The following POLQ variants were observed in gnomAD, a reference collection of about 807,000 sequenced individuals.
POLQ encodes epididymis secretory sperm binding protein.
POLQ carries 233 observed loss-of-function variants against 259.2 expected under a neutral mutation model. The ratio of observed to expected loss-of-function variants is 0.90; its 90% confidence interval spans 0.81 to 1.00. POLQ has a LOEUF of 1.00. POLQ is among the 50% of genes least tolerant of loss of function. The pLI is 0.00. For synonymous variants in POLQ, 1,025 were observed against 1,048.8 expected (o/e 0.98, Z 0.44); for missense variants, 2,871 against 3,051.6 (o/e 0.94, Z 1.39).
At chr3:121,436,460 G>A (rs2047545526) in intron 27 of POLQ, among the ~76,000 whole-genome samples, 185 bp from the exon 28 acceptor site, 1 of 152,184 alleles carries the variant, frequency 6.6e-6, no homozygotes, top group Admixed American at 6.5e-5. Flanking sequence ...CAGGGCTCTA[G>A]ATTCTGGGGT....
chr3:121,442,221 A>C (rs1053115779), intron 26 of POLQ, among the ~76,000 whole-genome samples: 2 of 152,244 alleles, frequency 1.3e-5, no homozygotes, highest in African/African-American at 4.8e-5. Context: ...ATTATGATAC[A>C]GGCATGCAAT....
At chr3:121,477,250 G>T (rs562712040) in intron 19 of POLQ, among the ~76,000 whole-genome samples, 3 of 152,076 alleles carry the variant, frequency 2.0e-5, no homozygotes, top group Non-Finnish European at 2.9e-5. Context: ...TATCTTTTCC[G>T]CCAGACAACC....
At chr3:121,434,589 T>C (rs2047527893) in intron 28 of POLQ, among the ~76,000 whole-genome samples, 1 of 152,208 alleles carries the variant, frequency 6.6e-6, no homozygotes, top group Non-Finnish European at 1.5e-5. Context: ...TGAAAATGAA[T>C]GAGGGGCCTC....
intron 28 of POLQ, 56 bp downstream of exon 28, chr3:121,436,066 T>C: frequency 7.2e-7 from 1 of 1,396,212 alleles, no homozygotes; most frequent in East Asian, 2.3e-5. Flanking sequence ...CCCATTTACA[T>C]TTCTGATACA....
chr3:121,496,203 G>T (rs2048122506), intron 14 of POLQ, among the ~76,000 whole-genome samples: 1 of 146,052 alleles, frequency 6.8e-6, no homozygotes. Context: ...TTGAGACAGA[G>T]TCTCGCTCTG....
Position 121,460,174 on chromosome 3 carries a change from G to A in POLQ, c.7028C>T (p.Ser2343Phe). 5 of 1,612,992 alleles carry A rather than the reference G, an allele frequency of 3.1e-6. No individual in the cohort carries two copies. Among genetic ancestry groups the A allele is most frequent in the Non-Finnish European group, 3.4e-6 (4 of 1,178,986 alleles). ...CACTTGAATGAGACGACGATCATGG[G>A]ATAAATGAGCCAAGATCCTCAGTTC... ...QLELRILAHLSHDRRLIQVLN... is the reference protein window; with the variant it reads ...QLELRILAHLFHDRRLIQVLN... The change falls in exon 25 of 30, where the codon TCC (serine) becomes TTC (phenylalanine). Residue 2343 changes from serine (S) to phenylalanine (F), a missense_variant. Transcript: ENST00000264233.
Position 121,432,077 on chromosome 3 carries a change from T to G in POLQ, c.*227A>C, listed in dbSNP as rs1234644481. ...CAAATTCATAGATGCTCTTTGAAAG[T>G]GAATGTAACTATTATACTTGGTATT... On this transcript the variant is annotated 3_prime_UTR_variant, in exon 30 of 30. Transcript: ENST00000264233. 2.5e-6 allele frequency: 1 copy of G among 406,948 alleles called. No individual in the cohort carries two copies. The highest frequency in any genetic ancestry group is 4.3e-6 in the Non-Finnish European group (1 of 233,478). 25.2% of individuals were successfully genotyped at this position (406,948 alleles called of 1,614,324 possible).
At chr3:121,501,289 TA>T in intron 12 of POLQ, among the ~76,000 whole-genome samples, 1 of 152,014 alleles carries the variant, frequency 6.6e-6, no homozygotes. Context: ...AAAGGAGAGT[TA>T]TTTTTCAAAA....
chr3:121,524,155 G>A (rs1010022996), intron 7 of POLQ, among the ~76,000 whole-genome samples: 1 of 152,160 alleles, frequency 6.6e-6, no homozygotes, highest in African/African-American at 2.4e-5. Context: ...AAATGATGAT[G>A]ATTCTGGTTA....
chr3:121,508,673 C>G (rs996032031), intron 12 of POLQ, among the ~76,000 whole-genome samples: 1 of 152,166 alleles, frequency 6.6e-6, no homozygotes, highest in Admixed American at 6.5e-5. Context: ...ATGTATTATG[C>G]GAGTTTGTAA....
Position 121,488,171 on chromosome 3 carries a change from G to A in POLQ, c.4760C>T (p.Ser1587Phe), listed in dbSNP as rs571900611. The A allele has an allele frequency of 6.2e-7, 1 of 1,613,368 alleles. No individual in the cohort carries two copies. Among genetic ancestry groups the A allele is most frequent in the African/African-American group, 1.3e-5 (1 of 75,032 alleles). The change falls in exon 16 of 30, where the codon TCT becomes TTT. Residue 1587 changes from serine to phenylalanine, a missense_variant. Coordinates refer to ENST00000264233, the MANE Select transcript of POLQ (RefSeq NM_199420.4). ...PVQEKNHTVV[S>F]PRALELSDPV... Reference sequence around the variant, plus strand: ...ATCACTTAGTTCTAATGCTCTAGGAGATACTACAGTATGATTCTTCTCTTG... The same window carrying A: ...ATCACTTAGTTCTAATGCTCTAGGAAATACTACAGTATGATTCTTCTCTTG...
intron 12 of POLQ, among the ~76,000 whole-genome samples, chr3:121,506,218 T>G (rs970088917): frequency 7.2e-5 from 11 of 151,932 alleles, no homozygotes; most frequent in African/African-American, 2.7e-4. Flanking sequence ...ATCATTCTAC[T>G]TATACCACAA....
At position 121,477,102 on chromosome 3, in the gene POLQ, T is replaced by C. The variant is rs574405012; in HGVS notation, c.6212-369A>G. On this transcript the variant is annotated intron_variant, in intron 19 of 29. Coordinates refer to ENST00000264233, the MANE Select transcript of POLQ (RefSeq NM_199420.4). The stretch of plus-strand genomic sequence containing the variant: ...CCAAAATCTGAAACTTTCTGAGCAC[T>C]GACATGACACCACAATTAGGACACT... 3.3e-5 allele frequency among the ~76,000 whole-genome samples: 5 copies of C among 152,320 alleles called. No individual in the cohort carries two copies. The South Asian group carries it at 1.0e-3, about 32-fold the overall frequency.
chr3:121,472,213 G>T, intron 21 of POLQ, 49 bp from the exon 22 acceptor site: 2 of 860,124 alleles, frequency 2.3e-6, no homozygotes, highest in Non-Finnish European at 1.7e-6. Context: ...AAATTCCACA[G>T]CAAGCTAGAA....
chr3:121,508,562 A>G (rs1214472868), intron 12 of POLQ, among the ~76,000 whole-genome samples: 1 of 152,210 alleles, frequency 6.6e-6, no homozygotes, highest in Non-Finnish European at 1.5e-5. Context: ...TGTATAATAA[A>G]TGACTTATTT....
rs1379714081 is a variant in POLQ, at chr3:121,529,930, C to T, written c.961-138G>A. On this transcript the variant is annotated intron_variant, in intron 6 of 29. Transcript: ENST00000264233. ...TGAAAATCAGTTACAAAGTCAATAA[C>T]AAAAGAAAGGAAAAAAAGAAGAAAA... 12 of 575,374 alleles carry T rather than the reference C, an allele frequency of 2.1e-5. No homozygotes were observed. In the East Asian group the frequency reaches 2.5e-4, roughly 12 times the overall value. 35.6% of individuals were successfully genotyped at this position (575,374 alleles called of 1,614,324 possible).
At chr3:121,472,793 T>C (rs1370545412) in intron 21 of POLQ, among the ~76,000 whole-genome samples, 2 of 152,246 alleles carry the variant, frequency 1.3e-5, no homozygotes, top group African/African-American at 4.8e-5. Flanking sequence ...GCTCTGTGGC[T>C]ATATTTTCTA....
In POLQ at chr3:121,487,663, A is replaced by G. The variant is rs1321732043; in HGVS notation, c.5268T>C (p.Pro1756=). ...KLTFPGILET[P]VNPWKTNNVL... ...CATTATTAGTTTTCCAAGGGTTTAC[A>G]GGTGTTTCAAGAATCCCTGGAAATG... Residue 1756 remains proline, a synonymous_variant, in exon 16 of 30, where the codon CCT becomes CCC. Coordinates refer to ENST00000264233, the MANE Select transcript of POLQ (RefSeq NM_199420.4). The G allele has an allele frequency of 6.2e-7, 1 of 1,613,812 alleles. No homozygotes were observed. The highest frequency in any genetic ancestry group is 1.7e-5 in the Admixed American group (1 of 60,028).
intron 1 of POLQ, 45 bp downstream of exon 1, chr3:121,545,670 C>A: frequency 6.6e-7 from 1 of 1,505,672 alleles, no homozygotes; most frequent in Non-Finnish European, 8.9e-7. Flanking sequence ...CATGGCCCGG[C>A]GGAGCTGCCC....
Sources: gnomAD v4.1 joint callset for allele counts (sites outside exome capture counted in the v4.1 genomes callset) on GRCh38, gnomAD v4.1.1 for gene constraint, MANE v1.5 for transcripts, NCBI Gene and HGNC (gene_info 2026-07-23, HGNC 2026-07-21) for gene names.